SH3GLB1: variants seen among roughly 807,000 people sequenced by gnomAD.
SH3GLB1 encodes the protein SH3 domain containing GRB2 like, endophilin B1, also known as endophilin-B1.
Under a neutral mutation model 42.0 loss-of-function variants are expected in SH3GLB1, and 17 were observed. The ratio of observed to expected loss-of-function variants is 0.40; its 90% CI spans 0.28 to 0.61. The LOEUF (loss-of-function observed/expected upper bound fraction) is 0.61, where lower values mean the gene tolerates loss of function less well. SH3GLB1 is among the 20% of genes least tolerant of loss of function. The pLI is 0.36. For missense variants in SH3GLB1, 355 were observed against 426.3 expected (o/e 0.83, Z 1.47); for synonymous variants, 132 against 146.6 (o/e 0.90, Z 0.72).
Position 86,742,363 on chromosome 1 carries a change from G to GAACC in SH3GLB1, c.917_918insAACC (p.Ser307ThrfsTer10). 6.2e-7 allele frequency: 1 copy of GAACC among 1,614,120 alleles called. No individual in the cohort carries two copies. Among genetic ancestry groups the GAACC allele is most frequent in the Admixed American group, 1.7e-5 (1 of 60,012 alleles). ...CTCAGTGACCTTAAGGAGTGTAGTG[G>GAACC]CAGCAGAAAGGCCAGGGTTCTCTAT... On this transcript the variant is annotated frameshift_variant, in exon 8 of 9. Coordinates refer to ENST00000370558, the MANE Select transcript of SH3GLB1 (RefSeq NM_016009.5). LOFTEE classifies it high-confidence loss of function.
At chr1:86,722,928 T>C (rs994503884) in intron 4 of SH3GLB1, among the ~76,000 whole-genome samples, 2 of 152,178 alleles carry the variant, frequency 1.3e-5, no homozygotes, top group Non-Finnish European at 2.9e-5. Context: ...CTAAAATCTA[T>C]AGAGAGGTTC....
intron 7 of SH3GLB1, among the ~76,000 whole-genome samples, chr1:86,739,422 G>A (rs1655947849): frequency 6.6e-6 from 1 of 152,206 alleles, no homozygotes; most frequent in East Asian, 1.9e-4. Flanking sequence ...TCACTGCCTA[G>A]GTCAAGTGAG....
chr1:86,742,166 A>G (rs775308430), intron 7 of SH3GLB1, 42 bp from the exon 8 acceptor site: 3 of 1,499,522 alleles, frequency 2.0e-6, no homozygotes, highest in East Asian at 2.3e-5. Flanking sequence ...AAGGAGCTTT[A>G]GTCACTTGGA....
At chr1:86,730,677 G>T (rs12064866) in intron 5 of SH3GLB1, among the ~76,000 whole-genome samples, 25,653 of 151,348 alleles carry the variant, frequency 0.17, 3,363 homozygotes, top group African/African-American at 0.37. Context: ...TTTTTTGTAT[G>T]TTTAGTAGCG....
At chr1:86,737,640 G>A (rs1004940021) in intron 7 of SH3GLB1, among the ~76,000 whole-genome samples, 7 of 152,010 alleles carry the variant, frequency 4.6e-5, no homozygotes, top group Non-Finnish European at 8.8e-5. Context: ...CAGATGTGGG[G>A]GATATAGTAT....
At chr1:86,715,085 C>T (rs1011327629) in intron 1 of SH3GLB1, among the ~76,000 whole-genome samples, 2 of 152,114 alleles carry the variant, frequency 1.3e-5, no homozygotes, top group Admixed American at 6.5e-5. Context: ...GCTTAAATGA[C>T]AGGTTTTATG....
At chr1:86,710,418 C>G (rs1013085082) in intron 1 of SH3GLB1, among the ~76,000 whole-genome samples, 4 of 152,106 alleles carry the variant, frequency 2.6e-5, no homozygotes, top group Non-Finnish European at 5.9e-5. Flanking sequence ...ACACGCGCCA[C>G]CGTGCCCGGC....
At chr1:86,736,462 C>T (rs1294570681) in intron 7 of SH3GLB1, among the ~76,000 whole-genome samples, 1 of 152,154 alleles carries the variant, frequency 6.6e-6, no homozygotes, top group African/African-American at 2.4e-5. Flanking sequence ...GGAGCATTTA[C>T]ATAACTATAT....
chr1:86,710,426 G>A (rs904692182), intron 1 of SH3GLB1, among the ~76,000 whole-genome samples: 13 of 151,974 alleles, frequency 8.6e-5, no homozygotes, highest in Non-Finnish European at 1.3e-4. Context: ...CACCGTGCCC[G>A]GCTAAATTTT....
chr1:86,729,923 G>A (rs1170746648), intron 5 of SH3GLB1, among the ~76,000 whole-genome samples: 1 of 152,042 alleles, frequency 6.6e-6, no homozygotes, highest in African/African-American at 2.4e-5. Context: ...TTCACAGTAT[G>A]TTAAGCTGTA....
intron 2 of SH3GLB1, among the ~76,000 whole-genome samples, chr1:86,717,650 G>A (rs371753462): frequency 1.3e-4 from 20 of 152,156 alleles, no homozygotes; most frequent in African/African-American, 4.6e-4. Context: ...TCGAACTCCC[G>A]ACCTCAGGTA....
intron 1 of SH3GLB1, among the ~76,000 whole-genome samples, chr1:86,714,155 C>T (rs1654379502): frequency 6.6e-6 from 1 of 152,144 alleles, no homozygotes; most frequent in South Asian, 2.1e-4. Flanking sequence ...CCTTTCTTCC[C>T]TTCCTATTGG....
At chr1:86,731,690 A>G (rs1454625802) in intron 5 of SH3GLB1, among the ~76,000 whole-genome samples, 2 of 152,198 alleles carry the variant, frequency 1.3e-5, no homozygotes, top group African/African-American at 4.8e-5. Context: ...GAAACATATT[A>G]TATACATATA....
At chr1:86,705,127 G>A (rs1364526805) in intron 1 of SH3GLB1, among the ~76,000 whole-genome samples, 156 bp downstream of exon 1, 16 of 152,070 alleles carry the variant, frequency 1.1e-4, no homozygotes, top group African/African-American at 3.9e-4. Context: ...TCCCCTCCCC[G>A]GGCCCGGCGG....
intron 1 of SH3GLB1, among the ~76,000 whole-genome samples, chr1:86,711,417 A>AT (rs1162037606): frequency 1.3e-5 from 2 of 152,130 alleles, no homozygotes; most frequent in African/African-American, 4.8e-5. Flanking sequence ...TTTTATTCTT[A>AT]TGCCACTTTG....
intron 5 of SH3GLB1, among the ~76,000 whole-genome samples, chr1:86,729,052 G>A (rs35261486): frequency 0.17 from 26,078 of 152,114 alleles, 3,510 homozygotes; most frequent in African/African-American, 0.37. Context: ...AGAGAATGCA[G>A]ATTGTTTTAT....
intron 2 of SH3GLB1, among the ~76,000 whole-genome samples, chr1:86,717,224 T>C (rs1454215508): frequency 2.6e-5 from 4 of 152,248 alleles, no homozygotes; most frequent in Non-Finnish European, 5.9e-5. Flanking sequence ...ATTTAAATTC[T>C]ACACTCTGGC....
chr1:86,734,747 C>G (rs1361543057), intron 6 of SH3GLB1, 56 bp downstream of exon 6: 19 of 1,344,706 alleles, frequency 1.4e-5, no homozygotes, highest in Non-Finnish European at 1.8e-5. Flanking sequence ...AGTCCTAAGG[C>G]AATTTTGGGA....
At chr1:86,723,817 C>A (rs1351925297) in intron 4 of SH3GLB1, among the ~76,000 whole-genome samples, 1 of 152,188 alleles carries the variant, frequency 6.6e-6, no homozygotes, top group Non-Finnish European at 1.5e-5. Context: ...GCGTATACTT[C>A]CTTCTTTCTA....
Sources: allele counts gnomAD v4.1 joint callset (sites outside exome capture counted in the v4.1 genomes callset), GRCh38; gene constraint gnomAD v4.1.1; transcripts MANE v1.5; gene names NCBI Gene and HGNC (gene_info 2026-07-23, HGNC 2026-07-21).